Variants in REEP1 observed in about 807,000 individuals in gnomAD.
REEP1 encodes the protein receptor expression-enhancing protein 1.
Under a neutral mutation model 40.3 loss-of-function variants are expected in REEP1, and 22 were observed. The observed-to-expected ratio is 0.55, with a 90% confidence interval of 0.39 to 0.78. The LOEUF is 0.78. REEP1 is among the 30% of genes least tolerant of loss of function. The pLI is 0.00. For missense variants in REEP1, 280 were observed against 361.1 expected, an observed-to-expected ratio of 0.78 and a Z score of 1.82; for synonymous variants, 116 against 139.2, an observed-to-expected ratio of 0.83 and a Z score of 1.17.
chr2:86,300,275 G>A (rs753900931), intron 1 of REEP1, among the ~76,000 whole-genome samples: 11 of 151,946 alleles, frequency 7.2e-5, no homozygotes, highest in Non-Finnish European at 1.2e-4. Context: ...ATTTCCCATC[G>A]ACAGGTCCTG....
At chr2:86,274,127 T>C (rs933815957) in intron 2 of REEP1, among the ~76,000 whole-genome samples, 1 of 152,200 alleles carries the variant, frequency 6.6e-6, no homozygotes, top group African/African-American at 2.4e-5. Flanking sequence ...AGATGCTCCC[T>C]ATGAGTGCCT....
chr2:86,332,436 AACACACACACACACACAC>A (rs55793634), intron 1 of REEP1, among the ~76,000 whole-genome samples: 2 of 136,136 alleles, frequency 1.5e-5, no homozygotes, highest in African/African-American at 2.8e-5. Flanking sequence ...CTTTCCTGGA[AACACACACACACACACAC>A]ACACACACAC....
intron 1 of REEP1, among the ~76,000 whole-genome samples, chr2:86,298,910 C>T (rs1011143445): frequency 6.6e-6 from 1 of 152,104 alleles, no homozygotes; most frequent in Non-Finnish European, 1.5e-5. Context: ...TGGTGGAAAA[C>T]AAAGAGTGGA....
At chr2:86,220,668 A>G (rs968901954) in intron 7 of REEP1, among the ~76,000 whole-genome samples, 1 of 151,884 alleles carries the variant, frequency 6.6e-6, no homozygotes. Context: ...GGAGGCCTTA[A>G]GTGATAACCT....
intron 1 of REEP1, among the ~76,000 whole-genome samples, chr2:86,331,200 T>G (rs1301898120): frequency 1.3e-5 from 2 of 152,190 alleles, no homozygotes; most frequent in Non-Finnish European, 2.9e-5. Context: ...TTCCCAACTC[T>G]GGAACCCATA....
At chr2:86,286,285 T>C (rs902897778) in intron 1 of REEP1, among the ~76,000 whole-genome samples, 3 of 152,174 alleles carry the variant, frequency 2.0e-5, no homozygotes, top group African/African-American at 7.2e-5. Flanking sequence ...CAGGGTAATC[T>C]GGGCAATGTC....
Position 86,216,946 on chromosome 2 carries a change from C to T in REEP1, c.*93G>A, listed in dbSNP as rs1486206487. On this transcript the variant is annotated 3_prime_UTR_variant, in exon 9 of 9. Transcript: ENST00000538924. ...TTTGTGAGGCTGCACACTCAAAGCA[C>T]ACCCAGCTTGCGGATTTCTATGTTA... The T allele has an allele frequency of 1.8e-5, 19 of 1,041,560 alleles. No individual in the cohort carries two copies. The highest frequency in any genetic ancestry group is 5.0e-5 in the East Asian group (2 of 40,274). 64.5% of individuals were successfully genotyped at this position (1,041,560 alleles called of 1,614,324 possible). A position where few individuals can be genotyped will look rare whatever the true frequency, so the allele number is the denominator to read the frequency against.
At chr2:86,219,627 G>A (rs1289766071) in intron 8 of REEP1, among the ~76,000 whole-genome samples, 4 of 151,950 alleles carry the variant, frequency 2.6e-5, no homozygotes, top group African/African-American at 9.7e-5. Context: ...TGTATTTTCA[G>A]TAGATAAGGG....
chr2:86,296,213 T>C (rs1200065321), intron 1 of REEP1, among the ~76,000 whole-genome samples: 2 of 152,240 alleles, frequency 1.3e-5, no homozygotes, highest in Non-Finnish European at 2.9e-5. Flanking sequence ...CCTCAGTAAT[T>C]AGCACTGGTT....
intron 7 of REEP1, 64 bp from the exon 8 acceptor site, chr2:86,220,185 G>A: frequency 1.7e-6 from 2 of 1,144,814 alleles, no homozygotes; most frequent in Non-Finnish European, 2.2e-6. Flanking sequence ...TCAGTGCAGG[G>A]AGCAGGGAAG....
intron 2 of REEP1, among the ~76,000 whole-genome samples, chr2:86,271,482 T>A (rs1230778055): frequency 1.3e-5 from 2 of 152,198 alleles, no homozygotes; most frequent in African/African-American, 4.8e-5. Flanking sequence ...GAAAATGGAA[T>A]AACATCTTTA....
chr2:86,305,903 T>C (rs1042088205), intron 1 of REEP1, among the ~76,000 whole-genome samples: 4 of 152,212 alleles, frequency 2.6e-5, no homozygotes, highest in Non-Finnish European at 4.4e-5. Context: ...CAGATTCCTC[T>C]GCCTGAGGTA....
intron 2 of REEP1, among the ~76,000 whole-genome samples, chr2:86,276,267 G>A (rs1212657723): frequency 6.6e-6 from 1 of 152,202 alleles, no homozygotes; most frequent in Non-Finnish European, 1.5e-5. Flanking sequence ...CAGCCTTCTG[G>A]AAGCAGGTTC....
At chr2:86,305,331 C>A (rs1364744585) in intron 1 of REEP1, among the ~76,000 whole-genome samples, 3 of 152,208 alleles carry the variant, frequency 2.0e-5, no homozygotes, top group Non-Finnish European at 2.9e-5. Context: ...TTGGCCCCAG[C>A]CCTCTGCCTT....
intron 1 of REEP1, among the ~76,000 whole-genome samples, chr2:86,329,183 C>T (rs1240199936): frequency 6.6e-6 from 1 of 152,202 alleles, no homozygotes; most frequent in Non-Finnish European, 1.5e-5. Flanking sequence ...CTCTTCTCTC[C>T]TCTGCCATGC....
chr2:86,237,166 G>A (rs1675406617), intron 5 of REEP1, among the ~76,000 whole-genome samples: 1 of 152,138 alleles, frequency 6.6e-6, no homozygotes, highest in Non-Finnish European at 1.5e-5. Context: ...GGCATAACTG[G>A]ACAACTGAAG....
chr2:86,237,175 A>G (rs964717966), intron 5 of REEP1, among the ~76,000 whole-genome samples: 1 of 151,994 alleles, frequency 6.6e-6, no homozygotes, highest in African/African-American at 2.4e-5. Context: ...GGACAACTGA[A>G]GCCCCTGAGT....
chr2:86,298,405 CTTCATTCT>C (rs1313849757), intron 1 of REEP1, among the ~76,000 whole-genome samples: 2 of 152,232 alleles, frequency 1.3e-5, no homozygotes, highest in Admixed American at 6.5e-5. Flanking sequence ...GGATCTGTCT[CTTCATTCT>C]TTCATTCAGA....
intron 7 of REEP1, among the ~76,000 whole-genome samples, chr2:86,225,827 A>G (rs1403030302): frequency 6.6e-6 from 1 of 152,188 alleles, no homozygotes; most frequent in Non-Finnish European, 1.5e-5. Flanking sequence ...TTGCCTTCCA[A>G]GCCTAAGGCA....
Sources: allele counts gnomAD v4.1 joint callset (sites outside exome capture counted in the v4.1 genomes callset), GRCh38; gene constraint gnomAD v4.1.1; transcripts MANE v1.5; gene names NCBI Gene and HGNC (gene_info 2026-07-23, HGNC 2026-07-21).